Variants in ECT2 observed in about 807,000 individuals in gnomAD.
ECT2 encodes epithelial cell transforming 2.
A neutral mutation model predicts 116.9 loss-of-function variants in ECT2; 61 were observed. The ratio of observed to expected loss-of-function variants is 0.52; its 90% CI spans 0.42 to 0.65. ECT2 has a LOEUF of 0.65. Ranked by LOEUF, ECT2 falls within the 30% of genes least tolerant of loss-of-function variation. The pLI, the probability that ECT2 is intolerant of heterozygous loss-of-function variation, is 0.00. For missense variants in ECT2, 937 were observed against 1,078.7 expected (o/e 0.87, Z 1.84); for synonymous variants, 358 against 346.4 (o/e 1.03, Z -0.37).
chr3:172,782,187 A>G lies in ECT2; in HGVS notation c.1573A>G (p.Asn525Asp). Reference sequence around the variant, plus strand: ...GGATGATCTTGAAGACCTTATAGTTAATTGGGATGAGAGCAAAAGCATTGG... The same window carrying G: ...GGATGATCTTGAAGACCTTATAGTTGATTGGGATGAGAGCAAAAGCATTGG... ...IKDDLEDLIVNWDESKSIGDI... is the reference protein window; with the variant it reads ...IKDDLEDLIVDWDESKSIGDI... Residue 525 changes from asparagine to aspartate, a missense_variant, in exon 15 of 25, where the codon AAT (asparagine) becomes GAT (aspartate). Asn to Asp is a conservative substitution (Grantham distance 23). Transcript: ENST00000392692. The G allele has an allele frequency of 6.3e-7, 1 of 1,582,216 alleles. No individual in the cohort carries two copies.
intron 22 of ECT2, among the ~76,000 whole-genome samples, chr3:172,810,869 T>C (rs1728645136): frequency 1.3e-5 from 2 of 152,174 alleles, no homozygotes; most frequent in East Asian, 1.9e-4. Context: ...GTGGGAAAGA[T>C]TGACTACTAC....
At chr3:172,762,830 G>A in intron 10 of ECT2, 24 bp downstream of exon 10, 2 of 1,608,776 alleles carry the variant, frequency 1.2e-6, no homozygotes, top group Non-Finnish European at 1.7e-6. Flanking sequence ...GAATGAGGTT[G>A]GTTTTTAAAA....
In ECT2 at chr3:172,801,713, C is replaced by G. The variant is rs1224246345; in HGVS notation, c.1908-903C>G. Among the ~76,000 whole-genome samples the G allele has an allele frequency of 2.0e-5, 3 of 152,306 alleles. No individual in the cohort carries two copies. In the East Asian group the frequency reaches 5.8e-4, roughly 29 times the overall value. On this transcript the variant is annotated intron_variant, in intron 18 of 24. Transcript: ENST00000392692. The stretch of plus-strand genomic sequence containing the variant: ...GCTTTCTTTGCAGGGAAGAAACTTT[C>G]TTTAGGCTATAAGCCAGGACAGTTG...
rs1315200099 is a variant in ECT2, at chr3:172,805,788, C to G, written c.2164C>G (p.Arg722Gly). The G allele has an allele frequency of 6.2e-7, 1 of 1,613,732 alleles. No individual in the cohort carries two copies. Among genetic ancestry groups the G allele is most frequent in the Admixed American group, 1.7e-5 (1 of 59,988 alleles). The change falls in exon 21 of 25, where the codon CGA (arginine) becomes GGA (glycine). Residue 722 changes from arginine (R) to glycine (G), a missense_variant. Physicochemically the swap from Arg to Gly is moderately radical, Grantham distance 125. Coordinates refer to ENST00000392692, the MANE Select transcript of ECT2 (RefSeq NM_001258315.2). ...GTFRSPHGQT[R>G]PPASLKHIHL... Reference sequence around the variant, plus strand: ...TTTTAGGAGTCCTCATGGCCAAACCCGACCCCCAGCTTCTCTTAAGCATAT... The same window carrying G: ...TTTTAGGAGTCCTCATGGCCAAACCGGACCCCCAGCTTCTCTTAAGCATAT...
chr3:172,765,099 A>T (rs1291871685), intron 12 of ECT2, among the ~76,000 whole-genome samples: 1 of 152,198 alleles, frequency 6.6e-6, no homozygotes, highest in Non-Finnish European at 1.5e-5. Flanking sequence ...ACATCAGCAT[A>T]CTTAAAAGAA....
At chr3:172,818,849 G>T (rs1433742336) in intron 24 of ECT2, 2 of 1,134,072 alleles carry the variant, frequency 1.8e-6, no homozygotes, top group Non-Finnish European at 2.2e-6. Context: ...TTGTATTTGC[G>T]GGAAAAAAAA....
At chr3:172,813,167 A>G (rs1354957967) in intron 22 of ECT2, among the ~76,000 whole-genome samples, 2 of 152,152 alleles carry the variant, frequency 1.3e-5, no homozygotes, top group African/African-American at 4.8e-5. Flanking sequence ...TAAATGCATA[A>G]GTATCAAGAG....
rs917265916 is a variant in ECT2 at position 172,816,560 on chromosome 3, A to C, written c.2509-131A>C. ...CAAATTTCCTCACTGTTTTGTGCCA[A>C]AGAGATTCTAATCCTGCCACATAGT... On this transcript the variant is annotated intron_variant, in intron 23 of 24. Transcript: ENST00000392692. 4 of 645,086 alleles carry C rather than the reference A, an allele frequency of 6.2e-6. 1 individual carries two copies. 40.0% of individuals were successfully genotyped at this position (645,086 alleles called of 1,614,324 possible).
At chr3:172,783,943 A>C in intron 16 of ECT2, 34 bp downstream of exon 16, 1 of 1,415,262 alleles carries the variant, frequency 7.1e-7, no homozygotes, top group South Asian at 1.3e-5. Context: ...AAAATTTGAG[A>C]ATTATTTCTG....
At chr3:172,804,202 A>C (rs981834719) in intron 20 of ECT2, among the ~76,000 whole-genome samples, 1 of 152,174 alleles carries the variant, frequency 6.6e-6, no homozygotes, top group Non-Finnish European at 1.5e-5. Flanking sequence ...ATTATTATTT[A>C]TAGTATAGAA....
intron 12 of ECT2, among the ~76,000 whole-genome samples, chr3:172,766,879 T>TGA (rs1719499241): frequency 1.3e-5 from 2 of 151,180 alleles, no homozygotes; most frequent in Non-Finnish European, 3.0e-5. Context: ...GACTGAAACT[T>TGA]GAATATGCAT....
chr3:172,817,674 TTAGA>T (rs919460209), intron 24 of ECT2, among the ~76,000 whole-genome samples: 1 of 152,148 alleles, frequency 6.6e-6, no homozygotes, highest in African/African-American at 2.4e-5. Flanking sequence ...AGAATTATTA[TTAGA>T]TATTTAATAC....
chr3:172,772,267 G>T (rs2108501089), intron 13 of ECT2, among the ~76,000 whole-genome samples: 1 of 151,838 alleles, frequency 6.6e-6, no homozygotes, highest in Middle Eastern at 3.4e-3. Context: ...CGCCCAGGCT[G>T]GAGTGCAGAG....
downstream of ECT2, among the ~76,000 whole-genome samples, chr3:172,823,713 A>C (rs1202632496): frequency 2.0e-5 from 3 of 152,200 alleles, no homozygotes. Flanking sequence ...ATGTCTAAAA[A>C]AACAATGTTC....
chr3:172,825,919 G>T (rs564088259), downstream of ECT2, among the ~76,000 whole-genome samples: 45 of 152,300 alleles, frequency 3.0e-4, no homozygotes, highest in East Asian at 4.2e-3. Context: ...CTTTGAGATG[G>T]AGTTTCACTC....
intron 18 of ECT2, 64 bp downstream of exon 18, chr3:172,786,638 A>G: frequency 1.8e-6 from 2 of 1,109,264 alleles, no homozygotes; most frequent in South Asian, 1.4e-5. Context: ...ATAGAAAACT[A>G]GAATCATAAA....
At chr3:172,758,472 CACACACACACACAG>C (rs929345909) in intron 5 of ECT2, among the ~76,000 whole-genome samples, 18 of 148,426 alleles carry the variant, frequency 1.2e-4, no homozygotes, top group African/African-American at 4.2e-4. Flanking sequence ...CTTTTATACA[CACACACACACACAG>C]ACACACACAC....
intron 21 of ECT2, among the ~76,000 whole-genome samples, chr3:172,806,260 A>G (rs1017023904): frequency 1.3e-5 from 2 of 152,176 alleles, no homozygotes; most frequent in African/African-American, 2.4e-5. Context: ...GTTGGCCAAC[A>G]GTTGCATTTT....
At chr3:172,755,611 C>T in intron 4 of ECT2, 36 bp downstream of exon 4, 2 of 1,091,246 alleles carry the variant, frequency 1.8e-6, no homozygotes, top group Non-Finnish European at 2.6e-6. Flanking sequence ...TGGCATGCTG[C>T]ACTTCCCTTG....
Sources: allele counts gnomAD v4.1 joint callset (sites outside exome capture counted in the v4.1 genomes callset), GRCh38; gene constraint gnomAD v4.1.1; transcripts MANE v1.5; gene names NCBI Gene and HGNC (gene_info 2026-07-23, HGNC 2026-07-21).